The following SUGCT variants were observed in gnomAD, a reference collection of about 807,000 sequenced individuals.
The protein encoded by SUGCT is succinyl-CoA:glutarate CoA-transferase.
A neutral mutation model predicts 55.0 loss-of-function variants in SUGCT; 41 were observed. That is an observed-to-expected ratio of 0.74 (90% CI 0.58 to 0.97). SUGCT has a LOEUF of 0.97. Among genes scored for constraint, SUGCT ranks in the 50% least tolerant of loss-of-function variants. The pLI is 0.00. For synonymous variants in SUGCT, 187 were observed against 200.4 expected (o/e 0.93, Z 0.56); for missense variants, 568 against 547.8 (o/e 1.04, Z -0.37).
intron 12 of SUGCT, among the ~76,000 whole-genome samples, chr7:40,722,334 C>T (rs141242724): frequency 6.6e-6 from 1 of 152,258 alleles, no homozygotes; most frequent in Non-Finnish European, 1.5e-5. Flanking sequence ...AGTCTCTTGG[C>T]AGAGTCATAT....
intron 9 of SUGCT, among the ~76,000 whole-genome samples, chr7:40,427,488 A>C (rs1787648103): frequency 6.6e-6 from 1 of 152,182 alleles, no homozygotes; most frequent in Non-Finnish European, 1.5e-5. Flanking sequence ...TGATTACTTT[A>C]AAAAACTTTA....
At chr7:40,345,179 A>AG (rs1797246624) in intron 9 of SUGCT, among the ~76,000 whole-genome samples, 1 of 152,190 alleles carries the variant, frequency 6.6e-6, no homozygotes, top group Admixed American at 6.5e-5. Flanking sequence ...GAAGTTTGAG[A>AG]GGAAAAAAGG....
chr7:40,992,225 T>A, the SUGCT span, among the ~76,000 whole-genome samples: 7 of 152,148 alleles, frequency 4.6e-5, no homozygotes, highest in African/African-American at 1.7e-4. Flanking sequence ...TTAGACCATA[T>A]AGGTTAACTT....
intron 8 of SUGCT, among the ~76,000 whole-genome samples, chr7:40,298,990 A>G (rs1318291842): frequency 6.6e-6 from 1 of 152,182 alleles, no homozygotes; most frequent in East Asian, 1.9e-4. Context: ...TTGTGCTTGA[A>G]TAACAATGGT....
At chr7:40,201,218 A>G (rs1373004993) in intron 6 of SUGCT, among the ~76,000 whole-genome samples, 3 of 152,136 alleles carry the variant, frequency 2.0e-5, no homozygotes, top group Admixed American at 2.0e-4. Context: ...GGAGGGAATG[A>G]AGAAAGGAAG....
intron 1 of SUGCT, among the ~76,000 whole-genome samples, chr7:40,139,144 A>AATC (rs1562788543): frequency 4.7e-4 from 70 of 149,128 alleles, no homozygotes; most frequent in African/African-American, 1.7e-3. Flanking sequence ...ATAAATAAAT[A>AATC]AATAAATAAA....
chr7:40,337,836 C>T (rs1398180927), intron 9 of SUGCT, among the ~76,000 whole-genome samples: 3 of 152,064 alleles, frequency 2.0e-5, no homozygotes, highest in Non-Finnish European at 4.4e-5. Flanking sequence ...GCAGTTTCTT[C>T]CTAGCCTCGG....
At chr7:40,624,802 C>CACACACAA (rs1799442526) in intron 12 of SUGCT, among the ~76,000 whole-genome samples, 1 of 147,362 alleles carries the variant, frequency 6.8e-6, no homozygotes, top group African/African-American at 2.6e-5. Flanking sequence ...CACACACACA[C>CACACACAA]ACACACACAC....
chr7:40,197,159 T>A (rs1435740842), intron 6 of SUGCT, among the ~76,000 whole-genome samples: 1 of 152,170 alleles, frequency 6.6e-6, no homozygotes, highest in Non-Finnish European at 1.5e-5. Flanking sequence ...TTGTACTGAA[T>A]GACAGGTTCT....
chr7:40,154,968 G>A (rs1451146838), intron 1 of SUGCT, among the ~76,000 whole-genome samples: 4 of 152,208 alleles, frequency 2.6e-5, no homozygotes, highest in African/African-American at 9.6e-5. Context: ...AATACTGTTA[G>A]TAGTAGCATA....
intron 12 of SUGCT, among the ~76,000 whole-genome samples, chr7:40,659,317 G>A (rs907249460): frequency 6.6e-6 from 1 of 152,136 alleles, no homozygotes; most frequent in Non-Finnish European, 1.5e-5. Flanking sequence ...TATTGGGGCT[G>A]GAGGATCTGC....
chr7:40,787,256 G>C (rs1378043498), intron 13 of SUGCT, among the ~76,000 whole-genome samples: 1 of 152,150 alleles, frequency 6.6e-6, no homozygotes, highest in Non-Finnish European at 1.5e-5. Context: ...TACCAAGAGA[G>C]TTAGGGCTTC....
chr7:40,506,577 T>G (rs1792610551), intron 12 of SUGCT, among the ~76,000 whole-genome samples: 1 of 152,196 alleles, frequency 6.6e-6, no homozygotes, highest in Admixed American at 6.5e-5. Flanking sequence ...TTCTTGGATG[T>G]TTTTCATAAA....
At chr7:40,903,449 C>A in the SUGCT span, among the ~76,000 whole-genome samples, 1 of 152,142 alleles carries the variant, frequency 6.6e-6, no homozygotes, top group Non-Finnish European at 1.5e-5. Flanking sequence ...AGACCATAGC[C>A]TTTGCTAGGA....
intron 8 of SUGCT, among the ~76,000 whole-genome samples, chr7:40,306,139 G>A (rs1006962589): frequency 1.3e-5 from 2 of 152,032 alleles, no homozygotes; most frequent in Non-Finnish European, 2.9e-5. Context: ...TCTGGATTTT[G>A]TCCTTGCTGC....
At chr7:40,668,715 A>T (rs1801775082) in intron 12 of SUGCT, among the ~76,000 whole-genome samples, 1 of 152,174 alleles carries the variant, frequency 6.6e-6, no homozygotes, top group Non-Finnish European at 1.5e-5. Flanking sequence ...AGAAGGTGGC[A>T]ATCTGGAAAC....
chr7:40,151,591 A>C, intron 1 of SUGCT: 1 of 227,704 alleles, frequency 4.4e-6, no homozygotes, highest in Non-Finnish European at 9.9e-6. Flanking sequence ...GGACAGTGTT[A>C]GGGATCTTGG....
At chr7:40,155,894 G>A (rs114267345) in intron 1 of SUGCT, among the ~76,000 whole-genome samples, 2,450 of 139,194 alleles carry the variant, frequency 0.018, 67 homozygotes, top group African/African-American at 0.064. Context: ...GTCTCCCTCT[G>A]TAGCCCAGGC....
the SUGCT span, among the ~76,000 whole-genome samples, chr7:40,995,722 A>G: frequency 2.0e-5 from 3 of 152,090 alleles, no homozygotes; most frequent in African/African-American, 7.2e-5. Flanking sequence ...TATGTGGAGA[A>G]CTTAAAACCT....
Sources: gnomAD v4.1 joint callset for allele counts (sites outside exome capture counted in the v4.1 genomes callset) on GRCh38, gnomAD v4.1.1 for gene constraint, MANE v1.5 for transcripts, NCBI Gene and HGNC (gene_info 2026-07-23, HGNC 2026-07-21) for gene names.